The following AKAIN1 variants were observed in gnomAD, a reference collection of about 807,000 sequenced individuals.
AKAIN1 encodes A-kinase anchor inhibitor 1, also known as A-kinase anchor protein inhibitor 1.
In AKAIN1, 3 loss-of-function variants were observed where a neutral mutation model predicts 3.7. The observed-to-expected ratio is 0.82, with a 90% confidence interval of 0.37 to 2.12. The LOEUF (loss-of-function observed/expected upper bound fraction) is 2.12. Among genes scored for constraint, AKAIN1 ranks in the 30% most tolerant of loss-of-function variants. The pLI, the probability that AKAIN1 is intolerant of heterozygous loss-of-function variation, is 0.06. For missense variants in AKAIN1, 82 were observed against 82.7 expected, an observed-to-expected ratio of 0.99 and a Z score of 0.03; for synonymous variants, 31 against 30.8, an observed-to-expected ratio of 1.01 and a Z score of -0.02.
In AKAIN1 at chr18:5,183,731, C is replaced by G. The variant is rs534041827; in HGVS notation, c.16+13307G>C. Among the ~76,000 whole-genome samples the G allele has an allele frequency of 2.0e-5, 3 of 152,218 alleles. No individual in the cohort carries two copies. In the South Asian group the frequency reaches 6.2e-4, roughly 31 times the overall value. On this transcript the variant is annotated intron_variant, in intron 1 of 1. Transcript: ENST00000434239. The stretch of plus-strand genomic sequence containing the variant: ...TTAATTAGATCATATGAAACCATTG[C>G]TCTTAGGAAAAATCAGGATTAGTTT...
At chr18:5,148,067 T>C (rs1264845956) in intron 1 of AKAIN1, among the ~76,000 whole-genome samples, 2 of 152,202 alleles carry the variant, frequency 1.3e-5, no homozygotes, top group Admixed American at 1.3e-4. Flanking sequence ...TGTTGGAGAA[T>C]TAACCGACAT....
intron 1 of AKAIN1, among the ~76,000 whole-genome samples, chr18:5,152,246 G>A (rs1423828494): frequency 6.6e-6 from 1 of 152,180 alleles, no homozygotes; most frequent in Non-Finnish European, 1.5e-5. Context: ...CAGGATAGCT[G>A]ACATTACAAT....
chr18:5,180,784 G>A (rs910142587), intron 1 of AKAIN1, among the ~76,000 whole-genome samples: 1 of 152,014 alleles, frequency 6.6e-6, no homozygotes, highest in Non-Finnish European at 1.5e-5. Flanking sequence ...AAAATGGGAA[G>A]GCAGGAATAA....
chr18:5,194,526 A>G (rs1272033888), intron 1 of AKAIN1, among the ~76,000 whole-genome samples: 1 of 152,198 alleles, frequency 6.6e-6, no homozygotes, highest in Non-Finnish European at 1.5e-5. Context: ...GTACTTCTGG[A>G]CTAGAACTTG....
chr18:5,145,904 G>A, intron 1 of AKAIN1, 149 bp from the exon 2 acceptor site: 1 of 652,758 alleles, frequency 1.5e-6, no homozygotes, highest in Admixed American at 2.8e-5. Context: ...GCCCACTAGA[G>A]CACATACAAT....
intron 1 of AKAIN1, among the ~76,000 whole-genome samples, chr18:5,186,119 G>A (rs888250171): frequency 2.0e-5 from 3 of 152,044 alleles, no homozygotes; most frequent in African/African-American, 7.2e-5. Context: ...ACTAACACAG[G>A]AACAGAAAAC....
chr18:5,153,941 G>C (rs1301940132), intron 1 of AKAIN1, among the ~76,000 whole-genome samples: 1 of 152,150 alleles, frequency 6.6e-6, no homozygotes, highest in Admixed American at 6.5e-5. Context: ...CTTCTGCTTA[G>C]TTTTGCTATG....
At chr18:5,182,242 C>G (rs528629877) in intron 1 of AKAIN1, among the ~76,000 whole-genome samples, 1 of 152,168 alleles carries the variant, frequency 6.6e-6, no homozygotes, top group South Asian at 2.1e-4. Flanking sequence ...GGGTCTTTTT[C>G]CACAGAAAGA....
chr18:5,161,158 C>A (rs1327717096), intron 1 of AKAIN1, among the ~76,000 whole-genome samples: 1 of 151,964 alleles, frequency 6.6e-6, no homozygotes, highest in Non-Finnish European at 1.5e-5. Flanking sequence ...AAAATTAGAT[C>A]TTTCCATATT....
At chr18:5,192,435 TTC>T (rs111776943) in intron 1 of AKAIN1, among the ~76,000 whole-genome samples, 1 of 115,510 alleles carries the variant, frequency 8.7e-6, no homozygotes. Context: ...CTTTCTTTCT[TTC>T]TTTCTTTCTT....
chr18:5,168,962 A>G (rs1320974925), intron 1 of AKAIN1, among the ~76,000 whole-genome samples: 1 of 152,050 alleles, frequency 6.6e-6, no homozygotes, highest in Non-Finnish European at 1.5e-5. Context: ...AGGATTCACC[A>G]GGAAAGCAGA....
At chr18:5,167,185 G>A (rs1282334677) in intron 1 of AKAIN1, among the ~76,000 whole-genome samples, 1 of 152,132 alleles carries the variant, frequency 6.6e-6, no homozygotes, top group Non-Finnish European at 1.5e-5. Flanking sequence ...GGCAGTTCAA[G>A]TGAGCAGAGA....
chr18:5,156,446 A>G (rs866265147), intron 1 of AKAIN1, among the ~76,000 whole-genome samples: 1 of 152,210 alleles, frequency 6.6e-6, no homozygotes, highest in Non-Finnish European at 1.5e-5. Flanking sequence ...GTGAGTATAG[A>G]GGGAGAATCT....
At chr18:5,185,551 C>T (rs1294995229) in intron 1 of AKAIN1, among the ~76,000 whole-genome samples, 3 of 152,082 alleles carry the variant, frequency 2.0e-5, no homozygotes, top group Non-Finnish European at 2.9e-5. Flanking sequence ...TGAACAGACA[C>T]TTTTCAGAAG....
chr18:5,176,272 C>G (rs2071225855), intron 1 of AKAIN1, among the ~76,000 whole-genome samples: 1 of 152,112 alleles, frequency 6.6e-6, no homozygotes, highest in South Asian at 2.1e-4. Flanking sequence ...AACCCCATCT[C>G]TACTAAAAAT....
intron 1 of AKAIN1, among the ~76,000 whole-genome samples, chr18:5,188,354 C>G (rs571892657): frequency 6.6e-6 from 1 of 152,162 alleles, no homozygotes; most frequent in Admixed American, 6.5e-5. Flanking sequence ...ATGGCAGCTC[C>G]ACCCATGGGC....
chr18:5,195,148 G>GGAA (rs1555611562), intron 1 of AKAIN1, among the ~76,000 whole-genome samples: 2 of 150,256 alleles, frequency 1.3e-5, no homozygotes, highest in Non-Finnish European at 2.9e-5. Flanking sequence ...AAGAAGTGAT[G>GGAA]AAAAAAAAAG....
intron 1 of AKAIN1, among the ~76,000 whole-genome samples, chr18:5,160,606 A>G (rs2143329040): frequency 6.6e-6 from 1 of 152,180 alleles, no homozygotes; most frequent in African/African-American, 2.4e-5. Context: ...CTTGTTAATA[A>G]TTTGTTGTGG....
chr18:5,174,685 A>T (rs2071216166), intron 1 of AKAIN1, among the ~76,000 whole-genome samples: 1 of 152,106 alleles, frequency 6.6e-6, no homozygotes, highest in Non-Finnish European at 1.5e-5. Flanking sequence ...AGTTTGTGGT[A>T]AGCTGAGACT....
Sources: gnomAD v4.1 joint callset for allele counts (sites outside exome capture counted in the v4.1 genomes callset) on GRCh38, gnomAD v4.1.1 for gene constraint, MANE v1.5 for transcripts, NCBI Gene and HGNC (gene_info 2026-07-23, HGNC 2026-07-21) for gene names.